Variants in SCN9A observed in about 807,000 individuals in gnomAD.
The protein encoded by SCN9A is sodium channel protein type 9 subunit alpha.
SCN9A carries 131 observed loss-of-function variants against 187.0 expected under a neutral mutation model. The ratio of observed to expected loss-of-function variants is 0.70; its 90% CI spans 0.61 to 0.81. The LOEUF is 0.81. Ranked by LOEUF, SCN9A falls within the 30% of genes least tolerant of loss-of-function variation. The pLI is 0.00. For synonymous variants in SCN9A, 809 were observed against 808.6 expected (o/e 1.00, Z -0.01); for missense variants, 2,252 against 2,396.6 (o/e 0.94, Z 1.26).
At chr2:166,244,393 TA>T (rs1695699119) in intron 18 of SCN9A, among the ~76,000 whole-genome samples, 1 of 152,064 alleles carries the variant, frequency 6.6e-6, no homozygotes, top group African/African-American at 2.4e-5. Flanking sequence ...TTCTTGTTGT[TA>T]AACTGTCAGA....
At chr2:166,216,836 A>G (rs6741250) in intron 24 of SCN9A, among the ~76,000 whole-genome samples, 18,307 of 152,046 alleles carry the variant, frequency 0.12, 1,456 homozygotes, top group African/African-American at 0.23. Flanking sequence ...ATTCAATGCA[A>G]TCCCTATCAA....
At position 166,272,630 on chromosome 2, in the gene SCN9A, G is replaced by A; in HGVS notation, c.3120C>T (p.Asn1040=). ...LNTKKENYIS[N]HTLAEMSKGH... ...CTTTGCTCATTTCAGCAAGTGTATG[G>A]TTAGAAATATAGTTTTCCTTCTTAG... The change falls in exon 17 of 27, where the codon AAC becomes AAT. Residue 1040 remains asparagine (N), a synonymous_variant. Coordinates refer to ENST00000642356, the MANE Select transcript of SCN9A (RefSeq NM_001365536.1). The A allele has an allele frequency of 1.2e-6, 2 of 1,613,122 alleles. No individual in the cohort carries two copies. Among genetic ancestry groups the A allele is most frequent in the South Asian group, 2.2e-5 (2 of 91,048 alleles).
chr2:166,200,119 TC>T (rs1169543983), intron 26 of SCN9A, among the ~76,000 whole-genome samples: 1 of 145,448 alleles, frequency 6.9e-6, no homozygotes, highest in Non-Finnish European at 1.5e-5. Context: ...TGCCTCAGCC[TC>T]CCGAGTAGCT....
chr2:166,248,467 C>A (rs1027143335), intron 18 of SCN9A, among the ~76,000 whole-genome samples: 14 of 152,098 alleles, frequency 9.2e-5, no homozygotes, highest in African/African-American at 3.4e-4. Context: ...CTAGTCTAAG[C>A]TCCCATCACC....
intron 1 of SCN9A, among the ~76,000 whole-genome samples, chr2:166,363,514 G>A (rs1540874): frequency 0.58 from 87,226 of 151,694 alleles, 26,683 homozygotes; most frequent in African/African-American, 0.78. Flanking sequence ...CAACTCAAAA[G>A]TTTTAATACT....
rs544205461 is a variant in SCN9A, at chr2:166,246,150, T to A, written c.3473-3494A>T. On this transcript the variant is annotated intron_variant, in intron 18 of 26. Coordinates refer to ENST00000642356, the MANE Select transcript of SCN9A (RefSeq NM_001365536.1). Reference sequence around the variant, plus strand: ...CTGAGTCTGTAATGCTTGCTCTTTGTGCTTATAGTACTCATCATAGTCCTC... The same window carrying A: ...CTGAGTCTGTAATGCTTGCTCTTTGAGCTTATAGTACTCATCATAGTCCTC... Among the ~76,000 whole-genome samples the A allele has an allele frequency of 5.3e-5, 8 of 152,130 alleles. No individual in the cohort carries two copies. The South Asian group carries it at 1.7e-3, about 32-fold the overall frequency.
chr2:166,263,195 A>G lies in SCN9A; in HGVS notation c.3351+9204T>C, dbSNP rs1259119041. Among the ~76,000 whole-genome samples, 3 of 152,020 alleles carry G rather than the reference A, an allele frequency of 2.0e-5. No homozygotes were observed. The East Asian group carries it at 5.8e-4, about 29-fold the overall frequency. Reference sequence around the variant, plus strand: ...GGTTGTCACAGCATCAGAGATGCCAATAGGATCAGCCGAAATCTCTGTTGC... The same window carrying G: ...GGTTGTCACAGCATCAGAGATGCCAGTAGGATCAGCCGAAATCTCTGTTGC... On this transcript the variant is annotated intron_variant, in intron 17 of 26. Coordinates refer to ENST00000642356, the MANE Select transcript of SCN9A (RefSeq NM_001365536.1).
intron 1 of SCN9A, among the ~76,000 whole-genome samples, chr2:166,339,081 T>G (rs930794814): frequency 3.3e-5 from 5 of 152,160 alleles, no homozygotes; most frequent in Admixed American, 1.3e-4. Flanking sequence ...TCAGCAGACT[T>G]GAGTTTAGAA....
At chr2:166,265,910 T>G (rs1162824845) in intron 17 of SCN9A, among the ~76,000 whole-genome samples, 5 of 151,086 alleles carry the variant, frequency 3.3e-5, no homozygotes, top group Non-Finnish European at 5.9e-5. Context: ...GAATTATTTG[T>G]TTTTTTTGTC....
intron 11 of SCN9A, 80 bp from the exon 12 acceptor site, chr2:166,284,904 A>T: frequency 7.0e-7 from 1 of 1,428,552 alleles, no homozygotes; most frequent in African/African-American, 1.4e-5. Context: ...CACTGAACCC[A>T]CTGGCCTGAG....
rs775257309 is a variant in SCN9A at position 166,277,000 on chromosome 2, C to A, written c.2857G>T (p.Val953Phe). The A allele has an allele frequency of 6.2e-7, 1 of 1,613,398 alleles. No homozygotes were observed. Among genetic ancestry groups the A allele is most frequent in the South Asian group, 1.1e-5 (1 of 90,988 alleles). ...TTACATACCACCAGGTTTCCAATGACCATGACCATCATGTAAACAATAAGG... is the reference window on the plus strand; with the variant it reads ...TTACATACCACCAGGTTTCCAATGAACATGACCATCATGTAAACAATAAGG... ...MCLIVYMMVM[V>F]IGNLVVLNLF... Residue 953 changes from valine to phenylalanine, a missense_variant, in exon 16 of 27, where the codon GTC (valine) becomes TTC (phenylalanine). Transcript: ENST00000642356.
intron 1 of SCN9A, among the ~76,000 whole-genome samples, chr2:166,349,992 AAAAAT>A (rs1186390207): frequency 1.0e-4 from 9 of 88,906 alleles, no homozygotes; most frequent in African/African-American, 3.9e-4. Flanking sequence ...ATAAAAAATA[AAAAAT>A]AAAAAATAAA....
chr2:166,214,125 T>C (rs1283134413), intron 24 of SCN9A, among the ~76,000 whole-genome samples: 1 of 152,192 alleles, frequency 6.6e-6, no homozygotes, highest in Non-Finnish European at 1.5e-5. Flanking sequence ...CATAATTGCC[T>C]TGGTTTTCCA....
chr2:166,369,269 G>A (rs954230747), intron 1 of SCN9A, among the ~76,000 whole-genome samples: 5 of 151,764 alleles, frequency 3.3e-5, no homozygotes, highest in Non-Finnish European at 5.9e-5. Flanking sequence ...CTGAGTAAAG[G>A]AAATATTTGG....
At chr2:166,212,390 A>G (rs1694136502) in intron 24 of SCN9A, among the ~76,000 whole-genome samples, 1 of 152,254 alleles carries the variant, frequency 6.6e-6, no homozygotes, top group Non-Finnish European at 1.5e-5. Context: ...CACAAGAGAC[A>G]AAGTAGGTCA....
At chr2:166,288,875 G>C (rs765140602) in intron 9 of SCN9A, among the ~76,000 whole-genome samples, 1 of 152,098 alleles carries the variant, frequency 6.6e-6, no homozygotes, top group Non-Finnish European at 1.5e-5. Flanking sequence ...TGATTATTAA[G>C]TGTAGTAGTA....
At chr2:166,202,138 T>A (rs1693567138) in intron 26 of SCN9A, among the ~76,000 whole-genome samples, 1 of 151,788 alleles carries the variant, frequency 6.6e-6, no homozygotes, top group Non-Finnish European at 1.5e-5. Flanking sequence ...TTTCAACCTT[T>A]TATTTATGAT....
At chr2:166,261,928 G>GA (rs1384799633) in intron 17 of SCN9A, among the ~76,000 whole-genome samples, 1 of 151,898 alleles carries the variant, frequency 6.6e-6, no homozygotes, top group African/African-American at 2.4e-5. Context: ...GTGATGTGTA[G>GA]AAAAAATTAT....
rs199815092 is a variant in SCN9A at position 166,272,503 on chromosome 2, G to C, written c.3247C>G (p.Pro1083Ala). The C allele has an allele frequency of 4.3e-6, 7 of 1,613,142 alleles. No individual in the cohort carries two copies. In the African/African-American group the frequency reaches 9.3e-5, roughly 22 times the overall value. ...ATTGGCACTGTCACTGTGAGGCTGG[G>C]ATTGTGAATAAATGATTGACCATCA... ...DSDGQSFIHN[P>A]SLTVTVPIAP... The change falls in exon 17 of 27, where the codon CCC becomes GCC. Residue 1083 changes from proline to alanine, a missense_variant. Around this residue, in one of 7 missense-constraint regions of SCN9A, gnomAD observed 313 missense variants for 295.3 expected, o/e 1.06. Transcript: ENST00000642356.
Sources: allele counts gnomAD v4.1 joint callset (sites outside exome capture counted in the v4.1 genomes callset), GRCh38; gene constraint gnomAD v4.1.1; regional missense constraint gnomAD v4.1.1; transcripts MANE v1.5; gene names NCBI Gene and HGNC (gene_info 2026-07-23, HGNC 2026-07-21).